The following MYO18A variants were observed in gnomAD, a reference collection of about 807,000 sequenced individuals.
The protein encoded by MYO18A is myosin XVIIIA.
MYO18A carries 78 observed loss-of-function variants against 235.8 expected under a neutral mutation model. The ratio of observed to expected loss-of-function variants is 0.33; its 90% confidence interval spans 0.28 to 0.40. MYO18A has a LOEUF of 0.40. MYO18A is among the 10% of genes least tolerant of loss of function. The pLI is 1.00. For missense variants in MYO18A, 2,215 were observed against 2,699.3 expected (o/e 0.82, Z 3.98); for synonymous variants, 977 against 1,077.8 (o/e 0.91, Z 1.83).
intron 2 of MYO18A, among the ~76,000 whole-genome samples, chr17:29,135,953 C>T (rs1246295890): frequency 1.3e-5 from 2 of 152,160 alleles, no homozygotes; most frequent in Non-Finnish European, 2.9e-5. Flanking sequence ...ATGGACCGGG[C>T]GTGGTGGCTC....
In MYO18A at chr17:29,094,037, C is replaced by T; in HGVS notation, c.4764G>A (p.Lys1588=). ...EMERMRQTHS[K]EMESRDEEVE... ...CCTCCTCATCCCGACTCTCCATCTC[C>T]TTAGAATGGGTCTGTCTCATCCGCT... The change falls in exon 31 of 42, where the codon AAG becomes AAA. Residue 1588 remains lysine, a synonymous_variant. Transcript: ENST00000527372. The T allele has an allele frequency of 6.2e-7, 1 of 1,612,550 alleles. No individual in the cohort carries two copies. The highest frequency in any genetic ancestry group is 8.5e-7 in the Non-Finnish European group (1 of 1,179,442).
Position 29,099,666 on chromosome 17 carries a change from A to G in MYO18A, c.3604T>C (p.Tyr1202His). The G allele has an allele frequency of 6.2e-7, 1 of 1,613,760 alleles. No individual in the cohort carries two copies. The highest frequency in any genetic ancestry group is 1.1e-5 in the South Asian group (1 of 91,070). Residue 1202 changes from tyrosine to histidine, a missense_variant, in exon 22 of 42, where the codon TAC becomes CAC. Physicochemically the swap from Tyr to His is moderately conservative, Grantham distance 83. Coordinates refer to ENST00000527372, the MANE Select transcript of MYO18A (RefSeq NM_078471.4). The part of the protein sequence containing the change: ...LTLFQAACRG[Y>H]LARQHFKKRK... ...TTCTTGAAGTGCTGGCGGGCCAGGTAGCCCCTGCAGGCTGCTTGGAACAGG... is the reference window on the plus strand; with the variant it reads ...TTCTTGAAGTGCTGGCGGGCCAGGTGGCCCCTGCAGGCTGCTTGGAACAGG...
chr17:29,115,588 C>T, intron 12 of MYO18A, 76 bp downstream of exon 12: 1 of 1,499,496 alleles, frequency 6.7e-7, no homozygotes, highest in African/African-American at 1.4e-5. Flanking sequence ...CAGCAGTCCC[C>T]TCCCGCCCCA....
chr17:29,145,528 G>C (rs2067829547), intron 2 of MYO18A, among the ~76,000 whole-genome samples: 1 of 152,164 alleles, frequency 6.6e-6, no homozygotes, highest in Non-Finnish European at 1.5e-5. Flanking sequence ...ACACTGTGGG[G>C]AAGCACCGTG....
chr17:29,142,118 G>C (rs2067754794), intron 2 of MYO18A, among the ~76,000 whole-genome samples: 1 of 152,144 alleles, frequency 6.6e-6, no homozygotes, highest in Admixed American at 6.5e-5. Context: ...CTAATTTTTT[G>C]TATTTTTAGT....
Position 29,097,268 on chromosome 17 carries a change from G to T in MYO18A, c.4185C>A (p.Asp1395Glu). The T allele has an allele frequency of 6.2e-7, 1 of 1,611,280 alleles. No individual in the cohort carries two copies. The stretch of plus-strand genomic sequence containing the variant: ...TGTTCTGCTGCTCCACCTCCAGCTT[G>T]TCCTCAAACTCCTGCTGGAGCCGTT... ...TKKRLQQEFE[D>E]KLEVEQQNKR... Residue 1395 changes from aspartate to glutamate, a missense_variant, in exon 27 of 42, where the codon GAC becomes GAA. Transcript: ENST00000527372.
Position 29,121,030 on chromosome 17 carries a change from A to G in MYO18A, c.1553T>C (p.Ile518Thr), listed in dbSNP as rs2067186139. 2.5e-6 allele frequency: 4 copies of G among 1,612,672 alleles called. No homozygotes were observed. Among genetic ancestry groups the G allele is most frequent in the Non-Finnish European group, 3.4e-6 (4 of 1,179,442 alleles). The change falls in exon 6 of 42, where the codon ATC becomes ACC. Residue 518 changes from isoleucine to threonine, a missense_variant. Physicochemically the swap from Ile to Thr is moderately conservative, Grantham distance 89. Coordinates refer to ENST00000527372, the MANE Select transcript of MYO18A (RefSeq NM_078471.4). The surrounding 1 kb of genome is among the most constrained non-coding windows in gnomAD (Gnocchi z 4.2). ...CQHLVQYLAT[I>T]AGISGNKVFS... is the part of the protein sequence containing the mutation. ...CACCTTGTTCCCGCTGATGCCCGCG[A>G]TGGTGGCCAGGTACTGCACCAGATG... is the stretch of plus-strand genomic sequence containing the variant.
At chr17:29,077,279 T>G (rs1387735070) in intron 41 of MYO18A, 1 of 152,260 alleles carries the variant, frequency 6.6e-6, no homozygotes, top group African/African-American at 2.4e-5. Flanking sequence ...GAGTCAGAGC[T>G]GGCAATTTGA....
At chr17:29,098,474 G>A in intron 23 of MYO18A, 29 bp from the exon 24 acceptor site, 6 of 1,612,610 alleles carry the variant, frequency 3.7e-6, no homozygotes, top group Non-Finnish European at 4.2e-6. Context: ...GGCAAAGTGA[G>A]CCAAAGGCAC....
In MYO18A at chr17:29,114,896, C is replaced by A. The variant is rs376486826; in HGVS notation, c.2511+11G>T. 1.4e-4 allele frequency: 218 copies of A among 1,608,384 alleles called. 1 individual carries two copies. The highest frequency in any genetic ancestry group is 1.7e-4 in the Non-Finnish European group (199 of 1,176,610). ...ATCTGAGGCTAGATGAGGCCCAGGC[C>A]CCAGAGCTACCTCCTTGTATCTTTC... On this transcript the variant is annotated intron_variant, in intron 14 of 41. Transcript: ENST00000527372.
At chr17:29,129,329 A>G (rs1371453984) in intron 2 of MYO18A, among the ~76,000 whole-genome samples, 2 of 152,076 alleles carry the variant, frequency 1.3e-5, no homozygotes, top group East Asian at 3.9e-4. Context: ...AAGGGTTTGG[A>G]GACCCCCTAG....
Position 29,126,441 on chromosome 17 carries a change from C to A in MYO18A, c.1000-4188G>T, listed in dbSNP as rs1300480912. The stretch of plus-strand genomic sequence containing the variant: ...CCATACCCTGCCCAAAATGCCCATG[C>A]CAGCTCCTCCCTGTGAGCAGGAACA... On this transcript the variant is annotated intron_variant, in intron 2 of 41. Coordinates refer to ENST00000527372, the MANE Select transcript of MYO18A (RefSeq NM_078471.4). This position sits in a 1 kb window ranked among gnomAD's most constrained non-coding sequence, Gnocchi z 4.1. Among the ~76,000 whole-genome samples the A allele has an allele frequency of 1.3e-5, 2 of 152,176 alleles. No homozygotes were observed. Among genetic ancestry groups the A allele is most frequent in the Non-Finnish European group, 1.5e-5 (1 of 68,022 alleles).
At chr17:29,103,268 C>G (rs1317017083) in intron 21 of MYO18A, among the ~76,000 whole-genome samples, 3 of 152,234 alleles carry the variant, frequency 2.0e-5, no homozygotes, top group South Asian at 4.1e-4. Context: ...CCTCCTGTCT[C>G]CCCTACTCCC....
intron 1 of MYO18A, among the ~76,000 whole-genome samples, chr17:29,177,830 C>G (rs1046681240): frequency 1.3e-5 from 2 of 152,214 alleles, no homozygotes; most frequent in Non-Finnish European, 2.9e-5. Flanking sequence ...TGCTCTGGCT[C>G]CTGCCTGTGG....
At chr17:29,155,024 C>T (rs1000057695) in intron 2 of MYO18A, among the ~76,000 whole-genome samples, 2 of 152,154 alleles carry the variant, frequency 1.3e-5, no homozygotes, top group African/African-American at 2.4e-5. Context: ...GTGTTGGGGC[C>T]GGGCATGAAA....
chr17:29,159,561 C>T (rs2068129533), intron 2 of MYO18A, among the ~76,000 whole-genome samples: 1 of 152,198 alleles, frequency 6.6e-6, no homozygotes, highest in Admixed American at 6.5e-5. Flanking sequence ...GCAGTAAAAT[C>T]AGGAACAGAA....
chr17:29,141,239 T>C (rs144365061), intron 2 of MYO18A, among the ~76,000 whole-genome samples: 9 of 152,220 alleles, frequency 5.9e-5, no homozygotes, highest in African/African-American at 2.2e-4. Flanking sequence ...CCAGTGTTTC[T>C]TGTGAAGAGA....
intron 30 of MYO18A, 73 bp from the exon 31 acceptor site, chr17:29,094,163 C>T (rs780704163): frequency 3.8e-5 from 42 of 1,092,340 alleles, no homozygotes; most frequent in Non-Finnish European, 5.3e-5. Flanking sequence ...GTGCATGGCT[C>T]TCCCTAGGCT....
chr17:29,140,693 G>A lies in MYO18A; in HGVS notation c.1000-18440C>T, dbSNP rs1004596499. 6.6e-6 allele frequency among the ~76,000 whole-genome samples: 1 copy of A among 152,014 alleles called. No individual in the cohort carries two copies. Among genetic ancestry groups the A allele is most frequent in the African/African-American group, 2.4e-5 (1 of 41,356 alleles). ...ACACACCCCAGCTCCGGGACAGCTG[G>A]GCTGATATGGCTCCTAAAAATAGCA... On this transcript the variant is annotated intron_variant, in intron 2 of 41. Coordinates refer to ENST00000527372, the MANE Select transcript of MYO18A (RefSeq NM_078471.4). The surrounding 1 kb of genome is among the most constrained non-coding windows in gnomAD (Gnocchi z 4.2).
Sources: allele counts gnomAD v4.1 joint callset (sites outside exome capture counted in the v4.1 genomes callset), GRCh38; gene constraint gnomAD v4.1.1; non-coding constraint Gnocchi (gnomAD v3.1); transcripts MANE v1.5; gene names NCBI Gene and HGNC (gene_info 2026-07-23, HGNC 2026-07-21).